The following PCBP3 variants were observed in gnomAD, a reference collection of about 807,000 sequenced individuals.
PCBP3 encodes poly(rC)-binding protein 3.
Under a neutral mutation model 52.7 loss-of-function variants are expected in PCBP3, and 25 were observed. The ratio of observed to expected loss-of-function variants is 0.47; its 90% CI spans 0.35 to 0.66. The LOEUF (loss-of-function observed/expected upper bound fraction) is 0.66. Among genes scored for constraint, PCBP3 ranks in the 30% least tolerant of loss-of-function variants. The pLI, the probability that PCBP3 is intolerant of heterozygous loss-of-function variation, is 0.01. For missense variants in PCBP3, 391 were observed against 490.3 expected (o/e 0.80, Z 1.91); for synonymous variants, 162 against 183.0 (o/e 0.89, Z 0.93).
intron 5 of PCBP3, among the ~76,000 whole-genome samples, chr21:45,867,314 CGTG>C (rs2094778651): frequency 6.6e-6 from 1 of 152,198 alleles, no homozygotes; most frequent in Non-Finnish European, 1.5e-5. Context: ...CACGAATCCG[CGTG>C]AAAGCAGCAA....
intron 1 of PCBP3, among the ~76,000 whole-genome samples, 169 bp downstream of exon 1, chr21:45,644,037 C>T (rs1230056711): frequency 6.7e-6 from 1 of 149,756 alleles, no homozygotes; most frequent in Non-Finnish European, 1.5e-5. Flanking sequence ...CGACCGCCGC[C>T]GGCGCCTGCG....
intron 3 of PCBP3, among the ~76,000 whole-genome samples, chr21:45,754,213 T>G (rs926976355): frequency 1.3e-5 from 2 of 152,208 alleles, no homozygotes; most frequent in Non-Finnish European, 2.9e-5. Context: ...GGAGTAGTGA[T>G]GAGTCTTTGT....
chr21:45,910,819 G>T, intron 10 of PCBP3, 83 bp from the exon 11 acceptor site: 6 of 1,400,818 alleles, frequency 4.3e-6, no homozygotes, highest in Non-Finnish European at 4.8e-6. Flanking sequence ...CCCCCGAGCT[G>T]CCTTGGGTGC....
chr21:45,919,702 A>G (rs2074125220), intron 13 of PCBP3, among the ~76,000 whole-genome samples: 1 of 152,208 alleles, frequency 6.6e-6, no homozygotes, highest in Non-Finnish European at 1.5e-5. Flanking sequence ...GGTCAGCTGT[A>G]GACACCAGTG....
intron 4 of PCBP3, among the ~76,000 whole-genome samples, chr21:45,765,104 A>G (rs914966425): frequency 5.9e-5 from 9 of 152,198 alleles, no homozygotes; most frequent in African/African-American, 9.6e-5. Flanking sequence ...CTGAAACAGC[A>G]TGGTGCAGGG....
At chr21:45,891,494 C>T (rs909248646) in intron 5 of PCBP3, among the ~76,000 whole-genome samples, 1 of 152,216 alleles carries the variant, frequency 6.6e-6, no homozygotes, top group Non-Finnish European at 1.5e-5. Flanking sequence ...AGAATACTTA[C>T]GACATGATTC....
chr21:45,924,346 CGTG>C (rs2075019243), intron 13 of PCBP3, among the ~76,000 whole-genome samples: 2 of 111,830 alleles, frequency 1.8e-5, no homozygotes, highest in Admixed American at 1.7e-4. Flanking sequence ...ATCGGGTGTG[CGTG>C]AGGAGATGCG....
rs1483308700 is a variant in PCBP3, at chr21:45,928,127, C to A, written c.718-1790C>A. ...GCCTTCACTAGGACCCCAGATGCGC[C>A]TGCTTCCTCCTCCTGCCCCCGCAGG... On this transcript the variant is annotated intron_variant, in intron 13 of 17. Transcript: ENST00000681687. The surrounding 1 kb of genome is among the most constrained non-coding windows in gnomAD (Gnocchi z 4.1). Among the ~76,000 whole-genome samples, 1 of 152,200 alleles carries A rather than the reference C, an allele frequency of 6.6e-6. No homozygotes were observed. Among genetic ancestry groups the A allele is most frequent in the East Asian group, 1.9e-4 (1 of 5,196 alleles).
chr21:45,682,051 GA>G (rs1292324893), intron 2 of PCBP3, among the ~76,000 whole-genome samples: 1 of 152,096 alleles, frequency 6.6e-6, no homozygotes, highest in African/African-American at 2.4e-5. Context: ...GAGCAAAGCT[GA>G]AAAAAGTACT....
chr21:45,767,774 T>G (rs1603409085), intron 4 of PCBP3, among the ~76,000 whole-genome samples: 1 of 152,216 alleles, frequency 6.6e-6, no homozygotes, highest in East Asian at 1.9e-4. Flanking sequence ...GGGTCTCTGC[T>G]CCTGCTCCGG....
Position 45,929,542 on chromosome 21 carries a change from A to G in PCBP3, c.718-375A>G, listed in dbSNP as rs541229642. ...CTAGTGACTCGGCCTTGAATCTCCT[A>G]GAAGTGCAGCTGGTCTTCATCTGTG... On this transcript the variant is annotated intron_variant, in intron 13 of 17. Coordinates refer to ENST00000681687, the MANE Select transcript of PCBP3 (RefSeq NM_001384156.1). Among the ~76,000 whole-genome samples the G allele has an allele frequency of 2.6e-5, 4 of 152,328 alleles. No homozygotes were observed. In the East Asian group the frequency reaches 7.7e-4, roughly 29 times the overall value.
At position 45,900,816 on chromosome 21, in the gene PCBP3, T is replaced by C. The variant is rs571588741; in HGVS notation, c.223-181T>C. On this transcript the variant is annotated intron_variant, in intron 8 of 17. Transcript: ENST00000681687. ...GTGGGGAAGGAATCTGTTGGATTCC[T>C]TTTGCTAGTTAAAATTTCATTGTAA... Among the ~76,000 whole-genome samples the C allele has an allele frequency of 1.2e-3, 176 of 152,340 alleles. 1 individual carries two copies. The highest frequency in any genetic ancestry group is 4.1e-3 in the African/African-American group (172 of 41,572).
chr21:45,819,681 G>C (rs2093070726), intron 4 of PCBP3, among the ~76,000 whole-genome samples: 1 of 152,246 alleles, frequency 6.6e-6, no homozygotes. Context: ...GGTGGGGAAG[G>C]CTCCTGGGGA....
intron 5 of PCBP3, among the ~76,000 whole-genome samples, chr21:45,851,494 G>A (rs941311290): frequency 2.6e-5 from 4 of 152,072 alleles, no homozygotes; most frequent in South Asian, 2.1e-4. Context: ...CCTGGGCCAT[G>A]GAGTGAGATT....
At chr21:45,777,379 C>A (rs942494907) in intron 4 of PCBP3, among the ~76,000 whole-genome samples, 1 of 152,164 alleles carries the variant, frequency 6.6e-6, no homozygotes, top group Non-Finnish European at 1.5e-5. Flanking sequence ...GAGATTTTGA[C>A]ATAATATGCT....
Position 45,791,066 on chromosome 21 carries a change from G to A in PCBP3, c.-126+35614G>A, listed in dbSNP as rs2091511723. Among the ~76,000 whole-genome samples the A allele has an allele frequency of 6.6e-6, 1 of 151,972 alleles. No individual in the cohort carries two copies. The highest frequency in any genetic ancestry group is 2.4e-5 in the African/African-American group (1 of 41,356). On this transcript the variant is annotated intron_variant, in intron 4 of 17. Coordinates refer to ENST00000681687, the MANE Select transcript of PCBP3 (RefSeq NM_001384156.1). The surrounding 1 kb of genome is among the most constrained non-coding windows in gnomAD (Gnocchi z 4.2). ...CAGGATGGGGGTGGGCTCAGTAGAG[G>A]GGCTGGCTGGCCCACCGAGGCCAGC...
Position 45,827,616 on chromosome 21 carries a change from C to G in PCBP3, c.-125-22345C>G, listed in dbSNP as rs2093341892. Among the ~76,000 whole-genome samples, 1 of 152,202 alleles carries G rather than the reference C, an allele frequency of 6.6e-6. No homozygotes were observed. Among genetic ancestry groups the G allele is most frequent in the Admixed American group, 6.5e-5 (1 of 15,282 alleles). On this transcript the variant is annotated intron_variant, in intron 4 of 17. Coordinates refer to ENST00000681687, the MANE Select transcript of PCBP3 (RefSeq NM_001384156.1). The surrounding 1 kb of genome is among the most constrained non-coding windows in gnomAD (Gnocchi z 4.3). ...AGTCGAGGTTTCAGAACTGAAAGTA[C>G]AGCCACCAGAATTTAGAAATTCACA...
chr21:45,898,221 G>T (rs987271185), intron 6 of PCBP3, among the ~76,000 whole-genome samples: 3 of 152,190 alleles, frequency 2.0e-5, no homozygotes, highest in African/African-American at 7.2e-5. Context: ...GCTGCACTCT[G>T]TGGGGGAGGT....
intron 13 of PCBP3, among the ~76,000 whole-genome samples, chr21:45,926,616 G>A (rs2075447518): frequency 3.9e-5 from 6 of 152,148 alleles, no homozygotes; most frequent in Admixed American, 3.3e-4. Context: ...GGACAGAGCT[G>A]CCCACGAGAG....
Sources: gnomAD v4.1 joint callset for allele counts (sites outside exome capture counted in the v4.1 genomes callset) on GRCh38, gnomAD v4.1.1 for gene constraint, Gnocchi (gnomAD v3.1) non-coding constraint, MANE v1.5 for transcripts, NCBI Gene and HGNC (gene_info 2026-07-23, HGNC 2026-07-21) for gene names.